SPSB1: variants seen among roughly 807,000 people sequenced by gnomAD.
The protein encoded by SPSB1 is SPRY domain-containing SOCS box protein 1.
In SPSB1, 8 loss-of-function variants were observed where a neutral mutation model predicts 21.2. That is an observed-to-expected ratio of 0.38 (90% CI 0.22 to 0.68). The LOEUF (loss-of-function observed/expected upper bound fraction) is 0.68, where lower values mean the gene tolerates loss of function less well. Among genes scored for constraint, SPSB1 ranks in the 30% least tolerant of loss-of-function variants. The pLI, the probability that SPSB1 is intolerant of heterozygous loss-of-function variation, is 0.53. For synonymous variants in SPSB1, 169 were observed against 161.7 expected (o/e 1.05, Z -0.34); for missense variants, 242 against 377.8 (o/e 0.64, Z 2.98).
At position 9,363,016 on chromosome 1, in the gene SPSB1, G is replaced by A. The variant is rs1222336162; in HGVS notation, c.695-4432G>A. Among the ~76,000 whole-genome samples, 2 of 152,218 alleles carry A rather than the reference G, an allele frequency of 1.3e-5. No homozygotes were observed. Among genetic ancestry groups the A allele is most frequent in the African/African-American group, 2.4e-5 (1 of 41,444 alleles). The stretch of plus-strand genomic sequence containing the variant: ...CACCTGGGTTTGTGGCTGGAGCTGG[G>A]TGCAAAGCTGGCAGCCCCCAGTCAA... On this transcript the variant is annotated intron_variant, in intron 2 of 2. Transcript: ENST00000328089. The surrounding 1 kb of genome is among the most constrained non-coding windows in gnomAD (Gnocchi z 4.5).
At chr1:9,366,613 C>T (rs1324442038) in intron 2 of SPSB1, among the ~76,000 whole-genome samples, 1 of 146,988 alleles carries the variant, frequency 6.8e-6, no homozygotes. Flanking sequence ...CTTGCTCTGT[C>T]GCCCAGCTAG....
intron 1 of SPSB1, among the ~76,000 whole-genome samples, chr1:9,297,739 T>C (rs1357551875): frequency 6.6e-6 from 1 of 152,122 alleles, no homozygotes; most frequent in African/African-American, 2.4e-5. Flanking sequence ...TGGGTCTCCT[T>C]TGGTTTAATG....
intron 2 of SPSB1, among the ~76,000 whole-genome samples, chr1:9,366,551 C>CCCT (rs1640574316): frequency 6.6e-6 from 1 of 151,538 alleles, no homozygotes; most frequent in East Asian, 1.9e-4. Context: ...ACTGGGTGTC[C>CCCT]CCTCTGTGCC....
At chr1:9,365,115 C>A (rs1353048587) in intron 2 of SPSB1, among the ~76,000 whole-genome samples, 1 of 152,200 alleles carries the variant, frequency 6.6e-6, no homozygotes, top group Non-Finnish European at 1.5e-5. Flanking sequence ...CCTCGGCCTC[C>A]CGAAGTGCTG....
chr1:9,367,369 A>G lies in SPSB1; in HGVS notation c.695-79A>G. ...ATTTGAGTGAATACTAATCAGTGAT[A>G]ATATTGCTGCTGTGGTTAGCGCTGT... On this transcript the variant is annotated intron_variant, in intron 2 of 2. Transcript: ENST00000328089. This position sits in a 1 kb window ranked among gnomAD's most constrained non-coding sequence, Gnocchi z 5.9. 1 of 1,597,870 alleles carries G rather than the reference A, an allele frequency of 6.3e-7. No homozygotes were observed. The highest frequency in any genetic ancestry group is 8.5e-7 in the Non-Finnish European group (1 of 1,169,922).
intron 1 of SPSB1, among the ~76,000 whole-genome samples, chr1:9,342,892 C>T (rs1201075903): frequency 6.6e-6 from 1 of 152,260 alleles, no homozygotes; most frequent in Admixed American, 6.5e-5. Context: ...ATCTGAGCAT[C>T]AATGGTGTCC....
rs1640358481 is a variant in SPSB1 at position 9,356,147 on chromosome 1, G to A, written c.256G>A (p.Ala86Thr). 2 of 1,590,102 alleles carry A rather than the reference G, an allele frequency of 1.3e-6. No individual in the cohort carries two copies. Among genetic ancestry groups the A allele is most frequent in the South Asian group, 1.1e-5 (1 of 87,602 alleles). ...HRHPVAQSTD[A>T]IRGKVGYTRG... ...GCATCCGGTGGCCCAGAGCACGGAC[G>A]CTATCAGGGGCAAAGTCGGGTATAC... Residue 86 changes from alanine (A) to threonine (T), a missense_variant, in exon 2 of 3, where the codon GCT (alanine) becomes ACT (threonine). Ala to Thr is a moderately conservative substitution (Grantham distance 58). Transcript: ENST00000328089. This position sits in a 1 kb window ranked among gnomAD's most constrained non-coding sequence, Gnocchi z 7.4.
intron 1 of SPSB1, among the ~76,000 whole-genome samples, chr1:9,354,069 G>A (rs1016212348): frequency 3.3e-5 from 5 of 152,146 alleles, no homozygotes; most frequent in African/African-American, 7.2e-5. Flanking sequence ...TGGCCGCCCC[G>A]GGAACAGGGT....
chr1:9,322,919 G>T (rs1276073476), intron 1 of SPSB1, among the ~76,000 whole-genome samples: 1 of 149,870 alleles, frequency 6.7e-6, no homozygotes, highest in African/African-American at 2.5e-5. Flanking sequence ...TTGTCTGGCT[G>T]CGTCAGACGT....
intron 2 of SPSB1, among the ~76,000 whole-genome samples, chr1:9,357,081 ATGGG>A (rs1392705610): frequency 6.6e-6 from 1 of 151,000 alleles, no homozygotes; most frequent in African/African-American, 2.4e-5. Context: ...GAACGGATGG[ATGGG>A]TGGGTGGATG....
intron 1 of SPSB1, among the ~76,000 whole-genome samples, chr1:9,329,703 AC>A (rs1180190923): frequency 1.2e-4 from 16 of 129,372 alleles, no homozygotes; most frequent in African/African-American, 5.7e-4. Flanking sequence ...AAAAACAACA[AC>A]AAAAAAAAAA....
Position 9,367,376 on chromosome 1 carries a change from CTGCTGT to C in SPSB1, c.695-71_695-66del. ...TGAATACTAATCAGTGATAATATTG[CTGCTGT>C]GGTTAGCGCTGTTTGCTGAACACCC... On this transcript the variant is annotated intron_variant, in intron 2 of 2. Transcript: ENST00000328089. The surrounding 1 kb of genome is among the most constrained non-coding windows in gnomAD (Gnocchi z 5.9). The C allele has an allele frequency of 6.2e-7, 1 of 1,604,866 alleles. No individual in the cohort carries two copies. Among genetic ancestry groups the C allele is most frequent in the Non-Finnish European group, 8.5e-7 (1 of 1,175,228 alleles).
chr1:9,330,711 T>C (rs1198287968), intron 1 of SPSB1, among the ~76,000 whole-genome samples: 2 of 152,112 alleles, frequency 1.3e-5, no homozygotes, highest in Admixed American at 6.6e-5. Context: ...GAACTTTTTT[T>C]TTTTTAATCG....
intron 1 of SPSB1, among the ~76,000 whole-genome samples, chr1:9,295,813 A>G (rs1639214777): frequency 6.6e-6 from 1 of 152,134 alleles, no homozygotes; most frequent in Non-Finnish European, 1.5e-5. Context: ...TCGTCTGGGC[A>G]TTTTGTATCA....
rs1361689202 is a variant in SPSB1, at chr1:9,293,571, G to A, written c.-150+500G>A. ...CGGGGCGCCCCCACCCTCCCGCAGC[G>A]CCTCCCCCAGGGAGCCTGCCGGGGA... On this transcript the variant is annotated intron_variant, in intron 1 of 2. Transcript: ENST00000328089. The surrounding 1 kb of genome is among the most constrained non-coding windows in gnomAD (Gnocchi z 5.1). 6.6e-6 allele frequency among the ~76,000 whole-genome samples: 1 copy of A among 152,038 alleles called. No homozygotes were observed. The highest frequency in any genetic ancestry group is 1.5e-5 in the Non-Finnish European group (1 of 67,970).
chr1:9,307,863 G>A (rs991840139), intron 1 of SPSB1, among the ~76,000 whole-genome samples: 5 of 152,086 alleles, frequency 3.3e-5, no homozygotes, highest in African/African-American at 7.2e-5. Context: ...TGTGGTCTTC[G>A]GGGTGCGCGT....
chr1:9,339,238 T>C lies in SPSB1; in HGVS notation c.-149-16505T>C, dbSNP rs978025338. On this transcript the variant is annotated intron_variant, in intron 1 of 2. Transcript: ENST00000328089. ...CTGGGTCTTTTCCCAGGCACTTGCC[T>C]AGAATATTCGAGAACTCCAGGTCCC... 5 of 985,234 alleles carry C rather than the reference T, an allele frequency of 5.1e-6. No homozygotes were observed. The African/African-American group carries it at 8.7e-5, about 17-fold the overall frequency. 61.0% of individuals were successfully genotyped at this position (985,234 alleles called of 1,614,324 possible). A position where few individuals can be genotyped will look rare whatever the true frequency, so the allele number is the denominator to read the frequency against.
At chr1:9,358,021 G>C (rs564375116) in intron 2 of SPSB1, among the ~76,000 whole-genome samples, 172 of 152,268 alleles carry the variant, frequency 1.1e-3, no homozygotes, top group African/African-American at 3.9e-3. Context: ...AAGAGGCAGA[G>C]GGGGGTGAGG....
chr1:9,359,848 G>GGGT (rs1640439132), intron 2 of SPSB1, among the ~76,000 whole-genome samples: 1 of 36,302 alleles, frequency 2.8e-5, no homozygotes, highest in Non-Finnish European at 7.2e-5. Context: ...GATGGAAGCC[G>GGGT]GGGGGGTGGG....
Sources: gnomAD v4.1 joint callset for allele counts (sites outside exome capture counted in the v4.1 genomes callset) on GRCh38, gnomAD v4.1.1 for gene constraint, Gnocchi (gnomAD v3.1) non-coding constraint, MANE v1.5 for transcripts, NCBI Gene and HGNC (gene_info 2026-07-23, HGNC 2026-07-21) for gene names.